The following C11orf54 variants were observed in gnomAD, a reference collection of about 807,000 sequenced individuals.
C11orf54 encodes beta-keto-L-gulonate decarboxylase, also known as beta-keto L-gulonate decarboxylase.
Under a neutral mutation model 35.5 loss-of-function variants are expected in C11orf54, and 29 were observed. That is an observed-to-expected ratio of 0.82 (90% CI 0.61 to 1.11). The LOEUF is 1.11. C11orf54 is among the 50% of genes most tolerant of loss of function. The pLI is 0.00. For missense variants in C11orf54, 373 were observed against 369.2 expected (o/e 1.01, Z -0.08); for synonymous variants, 108 against 121.1 (o/e 0.89, Z 0.71).
In C11orf54 at chr11:93,754,048, A is replaced by G. The variant is rs201430983; in HGVS notation, c.330+11A>G. The G allele has an allele frequency of 9.4e-6, 15 of 1,600,668 alleles. No individual in the cohort carries two copies. In the East Asian group the frequency reaches 3.1e-4, roughly 33 times the overall value. On this transcript the variant is annotated intron_variant, in intron 5 of 8. Transcript: ENST00000354421. The stretch of plus-strand genomic sequence containing the variant: ...GGGTTCAATTCTGAGGTCAGCATAT[A>G]TAAGAAAATTATTTTACTTTATTGG...
intron 3 of C11orf54, among the ~76,000 whole-genome samples, chr11:93,750,716 G>A (rs1025892505): frequency 1.3e-5 from 2 of 152,234 alleles, no homozygotes; most frequent in South Asian, 2.1e-4. Flanking sequence ...TGTATCACAC[G>A]AGAGTTTTGC....
At chr11:93,757,118 A>G (rs977143790) in intron 6 of C11orf54, among the ~76,000 whole-genome samples, 198 bp from the exon 7 acceptor site, 1 of 152,112 alleles carries the variant, frequency 6.6e-6, no homozygotes, top group African/African-American at 2.4e-5. Context: ...CATGTAACTG[A>G]TAAGTATGTG....
At chr11:93,752,219 G>A (rs1464634334) in intron 3 of C11orf54, among the ~76,000 whole-genome samples, 1 of 152,036 alleles carries the variant, frequency 6.6e-6, no homozygotes, top group Middle Eastern at 3.2e-3. Context: ...TAATTTGTGA[G>A]TCTTTAAATT....
chr11:93,750,962 A>G (rs998043079), intron 3 of C11orf54, among the ~76,000 whole-genome samples: 33 of 152,246 alleles, frequency 2.2e-4, no homozygotes, highest in African/African-American at 7.0e-4. Context: ...AGTTTTTACA[A>G]TAACACCACA....
Position 93,755,641 on chromosome 11 carries a change from A to C in C11orf54, c.507+255A>C, listed in dbSNP as rs147006592. Among the ~76,000 whole-genome samples the C allele has an allele frequency of 9.3e-5, 14 of 151,070 alleles. No homozygotes were observed. In the East Asian group the frequency reaches 2.8e-3, roughly 30 times the overall value. On this transcript the variant is annotated intron_variant, in intron 6 of 8. Coordinates refer to ENST00000354421, the MANE Select transcript of C11orf54 (RefSeq NM_001286069.2). ...GTGGTGTGTGCCTGTAATCCCAGCTACTCGGGGGGGCTGAGGTGAGAGAAT... is the reference window on the plus strand; with the variant it reads ...GTGGTGTGTGCCTGTAATCCCAGCTCCTCGGGGGGGCTGAGGTGAGAGAAT...
chr11:93,748,093 T>G (rs1481872137), intron 2 of C11orf54, among the ~76,000 whole-genome samples: 1 of 152,244 alleles, frequency 6.6e-6, no homozygotes, highest in Non-Finnish European at 1.5e-5. Context: ...CCTTCGCTTG[T>G]TTCTCAAAAT....
chr11:93,753,332 CA>C (rs35488924), intron 3 of C11orf54, among the ~76,000 whole-genome samples: 12 of 151,836 alleles, frequency 7.9e-5, no homozygotes, highest in South Asian at 2.1e-4. Context: ...CAATTTTAGC[CA>C]AAAAAAGGAA....
chr11:93,756,516 T>C (rs1335820223), intron 6 of C11orf54, among the ~76,000 whole-genome samples: 1 of 150,050 alleles, frequency 6.7e-6, no homozygotes, highest in East Asian at 1.9e-4. Context: ...GACTACTTAG[T>C]AAGCAAGACC....
At chr11:93,756,482 C>A in intron 6 of C11orf54, among the ~76,000 whole-genome samples, 1 of 115,442 alleles carries the variant, frequency 8.7e-6, no homozygotes. Flanking sequence ...GACAGCAAGA[C>A]CTGTCTTAAA....
intron 7 of C11orf54, 78 bp from the exon 8 acceptor site, chr11:93,759,664 A>G: frequency 1.6e-6 from 1 of 640,292 alleles, no homozygotes; most frequent in South Asian, 4.4e-5. Context: ...AATAATAAAT[A>G]AGTAAAATAT....
chr11:93,758,119 G>A (rs1943249111), intron 7 of C11orf54, among the ~76,000 whole-genome samples: 1 of 152,208 alleles, frequency 6.6e-6, no homozygotes, highest in African/African-American at 2.4e-5. Context: ...AAACCAGCCT[G>A]GTCAACATAG....
At chr11:93,751,399 G>GTTTTTTTTTTTTTTT (rs71064778) in intron 3 of C11orf54, among the ~76,000 whole-genome samples, 1 of 74,708 alleles carries the variant, frequency 1.3e-5, no homozygotes, top group African/African-American at 5.3e-5. Flanking sequence ...CTTTTTTATA[G>GTTTTTTTTTTTTTTT]TTTTTTTTTT....
chr11:93,750,589 C>A, intron 3 of C11orf54, 145 bp downstream of exon 3: 2 of 634,942 alleles, frequency 3.1e-6, no homozygotes, highest in Non-Finnish European at 5.4e-6. Flanking sequence ...TTTCTGTGCT[C>A]ACTCTTCTGA....
At position 93,761,532 on chromosome 11, in the gene C11orf54, G is replaced by T. The variant is rs770749102; in HGVS notation, c.792G>T (p.Leu264=). The T allele has an allele frequency of 4.7e-4, 761 of 1,608,474 alleles. No homozygotes were observed. Among genetic ancestry groups the T allele is most frequent in the Non-Finnish European group, 6.3e-4 (741 of 1,177,948 alleles). Residue 264 remains leucine (L), a synonymous_variant, in exon 9 of 9, where the codon CTG becomes CTT. Coordinates refer to ENST00000354421, the MANE Select transcript of C11orf54 (RefSeq NM_001286069.2). ...VSRDPGFDLR[L]EHTHFFSRHG... Reference sequence around the variant, plus strand: ...TATCTTAGGGGTTTGATTTGCGACTGGAGCACACTCATTTTTTTAGTCGTC... The same window carrying T: ...TATCTTAGGGGTTTGATTTGCGACTTGAGCACACTCATTTTTTTAGTCGTC...
chr11:93,761,747 T>G lies in C11orf54; in HGVS notation c.*59T>G. ...TAAGGTTAATTAATTGATTGACTTA[T>G]TAATTAATACTGATATAAAACCAAT... On this transcript the variant is annotated 3_prime_UTR_variant, in exon 9 of 9. Coordinates refer to ENST00000354421, the MANE Select transcript of C11orf54 (RefSeq NM_001286069.2). 1 of 1,439,926 alleles carries G rather than the reference T, an allele frequency of 6.9e-7. No homozygotes were observed. The highest frequency in any genetic ancestry group is 1.4e-5 in the African/African-American group (1 of 69,134). The allele number at this position is 1,439,926 out of a possible 1,614,324, so 89.2% of individuals were successfully genotyped here.
At chr11:93,750,243 C>A in intron 2 of C11orf54, 103 bp from the exon 3 acceptor site, 1 of 758,584 alleles carries the variant, frequency 1.3e-6, no homozygotes, top group Non-Finnish European at 2.2e-6. Context: ...TTTTATTATA[C>A]AAGTTGAGAT....
At chr11:93,755,465 A>G (rs1943083951) in intron 6 of C11orf54, 79 bp downstream of exon 6, 3 of 1,479,184 alleles carry the variant, frequency 2.0e-6, no homozygotes, top group African/African-American at 1.4e-5. Flanking sequence ...TGCCATAAAT[A>G]TGGTTTTGCT....
chr11:93,755,238 A>G lies in C11orf54; in HGVS notation c.359A>G (p.Glu120Gly). The change falls in exon 6 of 9, where the codon GAA becomes GGA. Residue 120 changes from glutamate (E) to glycine (G), a missense_variant. Glu to Gly is a moderately conservative substitution (Grantham distance 98). Coordinates refer to ENST00000354421, the MANE Select transcript of C11orf54 (RefSeq NM_001286069.2). ...ATGCCAGTTATTCAGACAGAAAGTG[A>G]ACACAAGCCTCCTGTAAATGGAAGT... ...EFMPVIQTES[E>G]HKPPVNGSYF... is the part of the protein sequence containing the mutation. The G allele has an allele frequency of 6.2e-7, 1 of 1,614,132 alleles. No homozygotes were observed. The highest frequency in any genetic ancestry group is 8.5e-7 in the Non-Finnish European group (1 of 1,180,006).
Position 93,748,793 on chromosome 11 carries a change from G to A in C11orf54, c.55+1345G>A, listed in dbSNP as rs137966596. ...AGAAGTTACGTTGAGCCAAGATCGCGCCACTGTACTTCGACCTGGGCAACA... is the reference window on the plus strand; with the variant it reads ...AGAAGTTACGTTGAGCCAAGATCGCACCACTGTACTTCGACCTGGGCAACA... On this transcript the variant is annotated intron_variant, in intron 2 of 8. Transcript: ENST00000354421. Among the ~76,000 whole-genome samples the A allele has an allele frequency of 7.0e-4, 106 of 150,806 alleles. No homozygotes were observed. In the East Asian group the frequency reaches 8.5e-3, roughly 12 times the overall value.
Sources: gnomAD v4.1 joint callset for allele counts (sites outside exome capture counted in the v4.1 genomes callset) on GRCh38, gnomAD v4.1.1 for gene constraint, MANE v1.5 for transcripts, NCBI Gene and HGNC (gene_info 2026-07-23, HGNC 2026-07-21) for gene names.